The following TRAK2 variants were observed in gnomAD, a reference collection of about 807,000 sequenced individuals.
The protein encoded by TRAK2 is trafficking kinesin protein 2, also known as trafficking kinesin-binding protein 2.
Under a neutral mutation model 104.6 loss-of-function variants are expected in TRAK2, and 81 were observed. The observed-to-expected ratio is 0.77, with a 90% CI of 0.65 to 0.93. The LOEUF (loss-of-function observed/expected upper bound fraction) is 0.93. Among genes scored for constraint, TRAK2 ranks in the 40% least tolerant of loss-of-function variants. The pLI is 0.00. For synonymous variants in TRAK2, 406 were observed against 394.4 expected, an observed-to-expected ratio of 1.03 and a Z score of -0.35; for missense variants, 1,002 against 1,089.0, an observed-to-expected ratio of 0.92 and a Z score of 1.12.
intron 2 of TRAK2, among the ~76,000 whole-genome samples, chr2:201,416,656 T>C (rs187468425): frequency 1.1e-4 from 17 of 152,234 alleles, no homozygotes; most frequent in African/African-American, 3.6e-4. Flanking sequence ...ATAACATATG[T>C]AGATGTAAAA....
intron 4 of TRAK2, among the ~76,000 whole-genome samples, chr2:201,400,659 C>T (rs1362223726): frequency 6.6e-6 from 1 of 151,998 alleles, no homozygotes; most frequent in Non-Finnish European, 1.5e-5. Flanking sequence ...CTCCAAACTG[C>T]AGGTATTGAT....
At position 201,447,018 on chromosome 2, in the gene TRAK2, C is replaced by T. The variant is rs114337443; in HGVS notation, c.-200+4332G>A. 3.3e-5 allele frequency among the ~76,000 whole-genome samples: 5 copies of T among 152,356 alleles called. No individual in the cohort carries two copies. Among genetic ancestry groups the T allele is most frequent in the African/African-American group, 1.2e-4 (5 of 41,578 alleles). On this transcript the variant is annotated intron_variant, in intron 1 of 15. Transcript: ENST00000332624. The surrounding 1 kb of genome is among the most constrained non-coding windows in gnomAD (Gnocchi z 4.1). ...TAACAGTGGCTCTGTTTTAGTTAGA[C>T]ATTTCAATATTCTGGGAAAACTGTT... is the stretch of plus-strand genomic sequence containing the variant.
intron 1 of TRAK2, among the ~76,000 whole-genome samples, chr2:201,425,080 G>T (rs1414256606): frequency 1.3e-5 from 2 of 152,170 alleles, no homozygotes; most frequent in Non-Finnish European, 2.9e-5. Context: ...TTGTCAATTG[G>T]TTGCTTTCAT....
intron 15 of TRAK2, 66 bp from the exon 16 acceptor site, chr2:201,381,284 T>C: frequency 1.4e-6 from 2 of 1,398,026 alleles, no homozygotes; most frequent in Non-Finnish European, 1.9e-6. Context: ...CAAGCTGGCA[T>C]TTAAAGAAAT....
chr2:201,428,935 G>A (rs1417667048), intron 1 of TRAK2, among the ~76,000 whole-genome samples: 1 of 152,152 alleles, frequency 6.6e-6, no homozygotes, highest in Admixed American at 6.5e-5. Context: ...AAGCAATTGT[G>A]AATGGGAGTT....
intron 2 of TRAK2, among the ~76,000 whole-genome samples, chr2:201,415,220 A>G (rs1056085682): frequency 1.3e-5 from 2 of 152,168 alleles, no homozygotes; most frequent in African/African-American, 4.8e-5. Context: ...ACAAGCCTCA[A>G]AGGGTTAACC....
rs1951532879 is a variant in TRAK2, at chr2:201,399,640, G to A, written c.364-147C>T. ...TCATTCATTAAAATGAATAAACACA[G>A]GGTCTGGCACACAGGTAGTGCTTTA... On this transcript the variant is annotated intron_variant, in intron 4 of 15. Coordinates refer to ENST00000332624, the MANE Select transcript of TRAK2 (RefSeq NM_015049.3). 4 of 595,760 alleles carry A rather than the reference G, an allele frequency of 6.7e-6. No individual in the cohort carries two copies. In the Admixed American group the frequency reaches 1.0e-4, roughly 15 times the overall value. The allele number at this position is 595,760 out of a possible 1,614,324, so 36.9% of individuals were successfully genotyped here.
At chr2:201,399,538 T>A (rs752885810) in intron 4 of TRAK2, 45 bp from the exon 5 acceptor site, 20 of 1,447,554 alleles carry the variant, frequency 1.4e-5, no homozygotes, top group Non-Finnish European at 1.6e-5. Context: ...ATAAACAAGG[T>A]TAAATGGCAG....
In TRAK2 at chr2:201,389,548, A is replaced by T; in HGVS notation, c.1194-45T>A. ...TCGTTATTATCACTGCTAGCCACTA[A>T]AGCATCTAGAGAAGAGAATGTATGT... On this transcript the variant is annotated intron_variant, in intron 11 of 15. Transcript: ENST00000332624. 2.0e-6 allele frequency: 3 copies of T among 1,538,112 alleles called. No homozygotes were observed. The Admixed American group carries it at 5.4e-5, about 28-fold the overall frequency.
At chr2:201,401,632 G>C (rs1193068229) in intron 3 of TRAK2, among the ~76,000 whole-genome samples, 1 of 152,004 alleles carries the variant, frequency 6.6e-6, no homozygotes, top group Non-Finnish European at 1.5e-5. Flanking sequence ...AATTCCTTTA[G>C]GCTTAATTAA....
At chr2:201,428,083 C>T (rs537558385) in intron 1 of TRAK2, among the ~76,000 whole-genome samples, 5 of 150,206 alleles carry the variant, frequency 3.3e-5, no homozygotes, top group Admixed American at 2.6e-4. Flanking sequence ...TTGTCAGATG[C>T]GTAGATTGCA....
intron 1 of TRAK2, among the ~76,000 whole-genome samples, chr2:201,450,890 A>ATG (rs537465519): frequency 3.0e-4 from 46 of 152,286 alleles, no homozygotes; most frequent in African/African-American, 1.1e-3. Flanking sequence ...TTTTCAAGAT[A>ATG]TGTGGCATCT....
At chr2:201,406,827 T>A (rs1367741232) in intron 3 of TRAK2, among the ~76,000 whole-genome samples, 1 of 152,230 alleles carries the variant, frequency 6.6e-6, no homozygotes, top group Non-Finnish European at 1.5e-5. Flanking sequence ...TTGTCTTTTC[T>A]AACAGCTTGG....
chr2:201,405,459 A>G (rs1333783272), intron 3 of TRAK2, among the ~76,000 whole-genome samples: 1 of 152,238 alleles, frequency 6.6e-6, no homozygotes. Flanking sequence ...GTGCATCAGT[A>G]TCACCAGGAA....
chr2:201,430,969 A>G (rs965783217), intron 1 of TRAK2, among the ~76,000 whole-genome samples: 3 of 152,216 alleles, frequency 2.0e-5, no homozygotes, highest in Admixed American at 2.0e-4. Flanking sequence ...CTCCCTGTCT[A>G]GTATTTCTTA....
At chr2:201,398,651 G>A (rs1558637) in intron 5 of TRAK2, among the ~76,000 whole-genome samples, 2 of 151,772 alleles carry the variant, frequency 1.3e-5, no homozygotes, top group Admixed American at 6.6e-5. Context: ...AAAAATTCAC[G>A]TAAGATAATA....
chr2:201,415,191 G>C (rs574151426), intron 2 of TRAK2, among the ~76,000 whole-genome samples: 139 of 152,164 alleles, frequency 9.1e-4, no homozygotes, highest in Non-Finnish European at 1.0e-3. Flanking sequence ...AGTATGATCT[G>C]TAGACCTACA....
At chr2:201,423,061 A>G (rs1051841226) in intron 1 of TRAK2, among the ~76,000 whole-genome samples, 56 of 151,240 alleles carry the variant, frequency 3.7e-4, no homozygotes, top group African/African-American at 1.3e-3. Context: ...ACACACACAC[A>G]CACACACACA....
chr2:201,431,722 CT>C lies in TRAK2; in HGVS notation c.-199-11017del, dbSNP rs59409040. Among the ~76,000 whole-genome samples, 1,301 of 152,310 alleles carry C rather than the reference CT, an allele frequency of 8.5e-3. 25 individuals carry two copies. Among genetic ancestry groups the C allele is most frequent in the African/African-American group, 0.03 (1,249 of 41,560 alleles). On this transcript the variant is annotated intron_variant, in intron 1 of 15. Transcript: ENST00000332624. Reference sequence around the variant, plus strand: ...ATTCACAGGATCCAGGGATCAAGAACTGCATATCTTTGAGGGCCAGTATTCA... The same window carrying C: ...ATTCACAGGATCCAGGGATCAAGAACGCATATCTTTGAGGGCCAGTATTCA...
Sources: allele counts gnomAD v4.1 joint callset (sites outside exome capture counted in the v4.1 genomes callset), GRCh38; gene constraint gnomAD v4.1.1; non-coding constraint Gnocchi (gnomAD v3.1); transcripts MANE v1.5; gene names NCBI Gene and HGNC (gene_info 2026-07-23, HGNC 2026-07-21).